The following ZSCAN1 variants were observed in gnomAD, a reference collection of about 807,000 sequenced individuals.
The protein encoded by ZSCAN1 is zinc finger and SCAN domain containing 1.
ZSCAN1 carries 23 observed loss-of-function variants against 23.8 expected under a neutral mutation model. The observed-to-expected ratio is 0.97, with a 90% CI of 0.70 to 1.37. The LOEUF (loss-of-function observed/expected upper bound fraction) is 1.37. Among genes scored for constraint, ZSCAN1 ranks in the 40% most tolerant of loss-of-function variants. ZSCAN1 has a pLI of 0.00. For synonymous variants in ZSCAN1, 236 were observed against 232.3 expected, an observed-to-expected ratio of 1.02 and a Z score of -0.15; for missense variants, 575 against 554.0, an observed-to-expected ratio of 1.04 and a Z score of -0.38.
At chr19:58,055,442 C>G (rs2073884929), downstream of ZSCAN1, among the ~76,000 whole-genome samples, 1 of 152,226 alleles carries the variant, frequency 6.6e-6, no homozygotes, top group African/African-American at 2.4e-5. Context: ...TCCCTGCAGT[C>G]CCCACTGGGG....
chr19:58,038,346 CTG>C (rs1288852633), intron 3 of ZSCAN1, 140 bp downstream of exon 3: 18 of 1,128,288 alleles, frequency 1.6e-5, no homozygotes, highest in Admixed American at 2.8e-5. Flanking sequence ...TGCCCCGCGG[CTG>C]TGTTTTTAAT....
chr19:58,044,730 G>C, intron 4 of ZSCAN1: 1 of 742,524 alleles, frequency 1.3e-6, no homozygotes, highest in Non-Finnish European at 2.5e-6. Flanking sequence ...GGAGCTGCCC[G>C]AAAGTTTCAT....
At position 58,054,057 on chromosome 19, in the gene ZSCAN1, C is replaced by A; in HGVS notation, c.*6C>A. 6.7e-7 allele frequency: 1 copy of A among 1,494,888 alleles called. No individual in the cohort carries two copies. 92.6% of individuals were successfully genotyped at this position (1,494,888 alleles called of 1,614,324 possible). A position where few individuals can be genotyped will look rare whatever the true frequency, so the allele number is the denominator to read the frequency against. On this transcript the variant is annotated 3_prime_UTR_variant, in exon 6 of 6. Coordinates refer to ENST00000282326, the MANE Select transcript of ZSCAN1 (RefSeq NM_182572.4). This position sits in a 1 kb window ranked among gnomAD's most constrained non-coding sequence, Gnocchi z 4.2. ...CGGCCCACGGCCACATGTGAATGGC[C>A]AGCCTCGGGCCTCGGCCACCCGGCC...
chr19:58,046,035 G>T, intron 4 of ZSCAN1: 5 of 693,486 alleles, frequency 7.2e-6, no homozygotes, highest in Non-Finnish European at 1.3e-5. Flanking sequence ...ATTCGGAGGT[G>T]GCGAAGGATG....
Position 58,037,954 on chromosome 19 carries a change from C to T in ZSCAN1, c.118C>T (p.Arg40Cys), listed in dbSNP as rs148768169. The T allele has an allele frequency of 0.01, 16,547 of 1,604,766 alleles. 105 individuals are homozygous for T. Among genetic ancestry groups the T allele is most frequent in the Non-Finnish European group, 0.013 (15,047 of 1,179,480 alleles). ...SPRDTEAQRLRFRQFQYHVAS... is the reference protein window; with the variant it reads ...SPRDTEAQRLCFRQFQYHVAS... ...CAGGGACACCGAAGCCCAGCGTCTG[C>T]GCTTCCGGCAGTTCCAGTACCACGT... Residue 40 changes from arginine (R) to cysteine (C), a missense_variant, in exon 3 of 6, where the codon CGC becomes TGC. Transcript: ENST00000282326.
intron 2 of ZSCAN1, among the ~76,000 whole-genome samples, chr19:58,036,838 C>G (rs2073740899): frequency 6.6e-6 from 1 of 152,076 alleles, no homozygotes; most frequent in Non-Finnish European, 1.5e-5. Flanking sequence ...AGGTGTGCAC[C>G]ACCACGCCGG....
At position 58,037,844 on chromosome 19, in the gene ZSCAN1, C is replaced by T. The variant is rs1456611725; in HGVS notation, c.8C>T (p.Pro3Leu). 7.4e-6 allele frequency: 11 copies of T among 1,484,058 alleles called. No individual in the cohort carries two copies. The highest frequency in any genetic ancestry group is 6.7e-5 in the Admixed American group (3 of 45,082). The allele number at this position is 1,484,058 out of a possible 1,614,324, so 91.9% of individuals were successfully genotyped here. A position where few individuals can be genotyped will look rare whatever the true frequency, so the allele number is the denominator to read the frequency against. ...GGCACTGTGGCCAGAGAAATGCTTC[C>T]ACGGCCCAAAGCCCCTGCCTCCCCC... Reference protein sequence around the residue: MLPRPKAPASPRR... With the variant: MLLRPKAPASPRR... The change falls in exon 3 of 6, where the codon CCA (proline) becomes CTA (leucine). Residue 3 changes from proline to leucine, a missense_variant. By Grantham distance (98) the Pro-to-Leu change is moderately conservative (BLOSUM62 -3). Coordinates refer to ENST00000282326, the MANE Select transcript of ZSCAN1 (RefSeq NM_182572.4).
chr19:58,045,645 G>A lies in ZSCAN1; in HGVS notation c.465+5101G>A. ...TGCGCTCCATAAAGGCAGAGGACAA[G>A]CTGTTTGCTGAGGAAGGGGTGGACA... On this transcript the variant is annotated intron_variant, in intron 4 of 5. Transcript: ENST00000282326. This position sits in a 1 kb window ranked among gnomAD's most constrained non-coding sequence, Gnocchi z 4.3. The A allele has an allele frequency of 1.1e-6, 1 of 931,760 alleles. No homozygotes were observed. Among genetic ancestry groups the A allele is most frequent in the Non-Finnish European group, 1.8e-6 (1 of 558,810 alleles). The allele number at this position is 931,760 out of a possible 1,614,324, so 57.7% of individuals were successfully genotyped here.
chr19:58,044,660 G>A, intron 4 of ZSCAN1: 2 of 871,156 alleles, frequency 2.3e-6, no homozygotes, highest in Admixed American at 2.0e-5. Context: ...TCGGGTCACC[G>A]CCCCGCGGGG....
intron 4 of ZSCAN1, among the ~76,000 whole-genome samples, chr19:58,043,804 C>T (rs2073805874): frequency 6.6e-6 from 1 of 152,008 alleles, no homozygotes; most frequent in Non-Finnish European, 1.5e-5. Flanking sequence ...CACACATTAC[C>T]GCACCGGCTA....
chr19:58,046,542 C>A, intron 4 of ZSCAN1: 1 of 912,694 alleles, frequency 1.1e-6, no homozygotes, highest in Non-Finnish European at 1.9e-6. Context: ...TGAAGCAAGT[C>A]AAGCACATTC....
rs1217764993 is a variant in ZSCAN1 at position 58,054,478 on chromosome 19, A to G, written c.*427A>G. ...CCGGCCTGGGCAGCTCCAACTCCAG[A>G]GAAGGGTACAGCTGACCCCGGCTGC... On this transcript the variant is annotated 3_prime_UTR_variant, in exon 6 of 6. Transcript: ENST00000282326. The surrounding 1 kb of genome is among the most constrained non-coding windows in gnomAD (Gnocchi z 4.2). 6.1e-6 allele frequency: 1 copy of G among 164,608 alleles called. No individual in the cohort carries two copies. The highest frequency in any genetic ancestry group is 6.3e-5 in the Admixed American group (1 of 15,982). The allele number at this position is 164,608 out of a possible 1,614,324, so 10.2% of individuals were successfully genotyped here. A position where few individuals can be genotyped will look rare whatever the true frequency, so the allele number is the denominator to read the frequency against.
At position 58,037,767 on chromosome 19, in the gene ZSCAN1, C is replaced by G. The variant is rs1036989394; in HGVS notation, c.-70C>G. 2.8e-6 allele frequency: 4 copies of G among 1,428,606 alleles called. No homozygotes were observed. The highest frequency in any genetic ancestry group is 5.7e-5 in the Admixed American group (2 of 34,916). The allele number at this position is 1,428,606 out of a possible 1,614,324, so 88.5% of individuals were successfully genotyped here. ...ATTCTGTCCGCCTGCCACACCGGCT[C>G]TGTCCGGAGCCACTGGGACTCGGGA... is the stretch of plus-strand genomic sequence containing the variant. On this transcript the variant is annotated 5_prime_UTR_variant, in exon 3 of 6. Coordinates refer to ENST00000282326, the MANE Select transcript of ZSCAN1 (RefSeq NM_182572.4).
chr19:58,054,306 T>C lies in ZSCAN1; in HGVS notation c.*255T>C, dbSNP rs2073878907. 1 of 417,276 alleles carries C rather than the reference T, an allele frequency of 2.4e-6. No homozygotes were observed. Among genetic ancestry groups the C allele is most frequent in the Non-Finnish European group, 4.2e-6 (1 of 237,782 alleles). 25.8% of individuals were successfully genotyped at this position (417,276 alleles called of 1,614,324 possible). A position where few individuals can be genotyped will look rare whatever the true frequency, so the allele number is the denominator to read the frequency against. Reference sequence around the variant, plus strand: ...TGGTCAGTCCTGCGCACTATAGTTTTGCAAGTGGCTTGAAGAGGAGTTTCA... The same window carrying C: ...TGGTCAGTCCTGCGCACTATAGTTTCGCAAGTGGCTTGAAGAGGAGTTTCA... On this transcript the variant is annotated 3_prime_UTR_variant, in exon 6 of 6. Coordinates refer to ENST00000282326, the MANE Select transcript of ZSCAN1 (RefSeq NM_182572.4). This position sits in a 1 kb window ranked among gnomAD's most constrained non-coding sequence, Gnocchi z 4.2.
Position 58,053,985 on chromosome 19 carries a change from G to A in ZSCAN1, c.1161G>A (p.Lys387=), listed in dbSNP as rs1244736004. ...CCTTCCAGTGTAGCGTCTGCGGGAA[G>A]GCCTTCCCCTGGATGGTCCACCTCA... is the stretch of plus-strand genomic sequence containing the variant. ...KRPFQCSVCG[K]AFPWMVHLID... The change falls in exon 6 of 6, where the codon AAG becomes AAA. Residue 387 remains lysine, a synonymous_variant. Coordinates refer to ENST00000282326, the MANE Select transcript of ZSCAN1 (RefSeq NM_182572.4). The surrounding 1 kb of genome is among the most constrained non-coding windows in gnomAD (Gnocchi z 5.8). The A allele has an allele frequency of 8.8e-6, 14 of 1,590,896 alleles. No homozygotes were observed. The highest frequency in any genetic ancestry group is 1.2e-5 in the Non-Finnish European group (14 of 1,167,536).
Position 58,054,201 on chromosome 19 carries a change from TGG to T in ZSCAN1, c.*151_*152del. 2 of 1,107,930 alleles carry T rather than the reference TGG, an allele frequency of 1.8e-6. No homozygotes were observed. Among genetic ancestry groups the T allele is most frequent in the Non-Finnish European group, 2.5e-6 (2 of 811,640 alleles). The allele number at this position is 1,107,930 out of a possible 1,614,324, so 68.6% of individuals were successfully genotyped here. A position where few individuals can be genotyped will look rare whatever the true frequency, so the allele number is the denominator to read the frequency against. On this transcript the variant is annotated 3_prime_UTR_variant, in exon 6 of 6. Coordinates refer to ENST00000282326, the MANE Select transcript of ZSCAN1 (RefSeq NM_182572.4). The surrounding 1 kb of genome is among the most constrained non-coding windows in gnomAD (Gnocchi z 4.2). ...ACACAAGCTGTTTCTCGGAAGACCCTGGACACCTGCTCCGAAGCCAAGCACGG... is the reference window on the plus strand; with the variant it reads ...ACACAAGCTGTTTCTCGGAAGACCCTACACCTGCTCCGAAGCCAAGCACGG...
chr19:58,038,699 C>T (rs1057159428), intron 3 of ZSCAN1, among the ~76,000 whole-genome samples: 1 of 152,268 alleles, frequency 6.6e-6, no homozygotes, highest in Non-Finnish European at 1.5e-5. Flanking sequence ...TCTCCTCTCT[C>T]AGCTCCCCTC....
intron 3 of ZSCAN1, 21 bp downstream of exon 3, chr19:58,038,227 G>GC: frequency 6.3e-7 from 1 of 1,585,210 alleles, no homozygotes; most frequent in Non-Finnish European, 8.5e-7. Context: ...CAGGCTTCCT[G>GC]CCCCGGGCCG....
Position 58,043,577 on chromosome 19 carries a change from C to T in ZSCAN1, c.465+3033C>T, listed in dbSNP as rs1388849463. ...TGCTGTGGACTTCATAAACATGGTG[C>T]ACTTAGGCTACTAAATTGGCAACTA... is the stretch of plus-strand genomic sequence containing the variant. On this transcript the variant is annotated intron_variant, in intron 4 of 5. Transcript: ENST00000282326. Among the ~76,000 whole-genome samples, 3 of 152,250 alleles carry T rather than the reference C, an allele frequency of 2.0e-5. No homozygotes were observed. In the East Asian group the frequency reaches 5.8e-4, roughly 29 times the overall value.
Sources: allele counts gnomAD v4.1 joint callset (sites outside exome capture counted in the v4.1 genomes callset), GRCh38; gene constraint gnomAD v4.1.1; non-coding constraint Gnocchi (gnomAD v3.1); transcripts MANE v1.5; gene names NCBI Gene and HGNC (gene_info 2026-07-23, HGNC 2026-07-21).